The following MARCHF10 variants were observed in gnomAD, a reference collection of about 807,000 sequenced individuals.
MARCHF10 encodes membrane associated ring-CH-type finger 10.
Under a neutral mutation model 76.2 loss-of-function variants are expected in MARCHF10, and 64 were observed. The ratio of observed to expected loss-of-function variants is 0.84; its 90% CI spans 0.69 to 1.03. The LOEUF (loss-of-function observed/expected upper bound fraction) is 1.03, where lower values mean the gene tolerates loss of function less well. Ranked by LOEUF, MARCHF10 falls within the 50% of genes least tolerant of loss-of-function variation. The pLI is 0.00. For synonymous variants in MARCHF10, 340 were observed against 357.5 expected, an observed-to-expected ratio of 0.95 and a Z score of 0.55; for missense variants, 875 against 958.0, an observed-to-expected ratio of 0.91 and a Z score of 1.14.
chr17:62,714,077 G>A (rs949104605), intron 8 of MARCHF10, among the ~76,000 whole-genome samples: 3 of 152,228 alleles, frequency 2.0e-5, no homozygotes, highest in African/African-American at 7.2e-5. Context: ...AGGTGACTGC[G>A]TGTGTCTGAG....
intron 3 of MARCHF10, among the ~76,000 whole-genome samples, chr17:62,777,796 C>G (rs141029589): frequency 6.6e-6 from 1 of 151,422 alleles, no homozygotes; most frequent in East Asian, 2.0e-4. Context: ...TCTGGGCACA[C>G]TGCCTATGGG....
chr17:62,710,117 T>C (rs2089834208), intron 9 of MARCHF10, among the ~76,000 whole-genome samples: 1 of 152,218 alleles, frequency 6.6e-6, no homozygotes. Context: ...TGGGTTGTAC[T>C]GTTTGTCGTT....
At chr17:62,743,693 T>C (rs1378791540) in intron 5 of MARCHF10, among the ~76,000 whole-genome samples, 1 of 152,156 alleles carries the variant, frequency 6.6e-6, no homozygotes, top group African/African-American at 2.4e-5. Flanking sequence ...TCATTGGTCA[T>C]GACATAATGG....
intron 3 of MARCHF10, among the ~76,000 whole-genome samples, chr17:62,787,653 ATC>A (rs1278334719): frequency 6.6e-6 from 1 of 152,174 alleles, no homozygotes; most frequent in Admixed American, 6.5e-5. Flanking sequence ...CTAGAATGGA[ATC>A]TCTACCACGC....
intron 9 of MARCHF10, among the ~76,000 whole-genome samples, chr17:62,710,977 G>A (rs976843917): frequency 3.3e-5 from 5 of 152,010 alleles, no homozygotes; most frequent in African/African-American, 1.2e-4. Context: ...AGGCTCATTC[G>A]GTTATATGAC....
chr17:62,701,359 C>A lies in MARCHF10; in HGVS notation c.*344G>T. ...ACTGAATGAATACATGGCTCGAGTC[C>A]ATTCAGGGTGGAGTGAGGCCTGGCA... On this transcript the variant is annotated 3_prime_UTR_variant, in exon 11 of 11. Transcript: ENST00000311269. 2 of 353,614 alleles carry A rather than the reference C, an allele frequency of 5.7e-6. No homozygotes were observed. The highest frequency in any genetic ancestry group is 5.1e-5 in the East Asian group (1 of 19,526). 21.9% of individuals were successfully genotyped at this position (353,614 alleles called of 1,614,324 possible). A position where few individuals can be genotyped will look rare whatever the true frequency, so the allele number is the denominator to read the frequency against.
rs745737736 is a variant in MARCHF10 at position 62,711,711 on chromosome 17, G to T, written c.2215-367C>A. Among the ~76,000 whole-genome samples, 5 of 152,204 alleles carry T rather than the reference G, an allele frequency of 3.3e-5. No homozygotes were observed. Among genetic ancestry groups the T allele is most frequent in the African/African-American group, 4.8e-5 (2 of 41,458 alleles). ...CTGCTGGGAACCGATCACCTGGTGT[G>T]GGGGAGAGAGCTTCATCGGTAAACA... is the stretch of plus-strand genomic sequence containing the variant. On this transcript the variant is annotated intron_variant, in intron 8 of 10. Transcript: ENST00000311269. The surrounding 1 kb of genome is among the most constrained non-coding windows in gnomAD (Gnocchi z 4.4).
chr17:62,727,409 C>T (rs567708026), intron 6 of MARCHF10, among the ~76,000 whole-genome samples: 2 of 152,236 alleles, frequency 1.3e-5, no homozygotes, highest in Admixed American at 1.3e-4. Flanking sequence ...TGGCTCACAC[C>T]TGTAATCCTA....
rs1490346615 is a variant in MARCHF10 at position 62,722,535 on chromosome 17, C to T, written c.2167G>A (p.Gly723Ser). 1.2e-6 allele frequency: 2 copies of T among 1,613,734 alleles called. No homozygotes were observed. The highest frequency in any genetic ancestry group is 3.3e-5 in the Admixed American group (2 of 59,982). Residue 723 changes from glycine (G) to serine (S), a missense_variant, in exon 8 of 11, where the codon GGT (glycine) becomes AGT (serine). By Grantham distance (56) the Gly-to-Ser change is moderately conservative (BLOSUM62 0). Transcript: ENST00000311269. The part of the protein sequence containing the change: ...MCKQGLLVDL[G>S]DFNMIEFYQK... ...TAGAACTCAATCATGTTAAAGTCAC[C>T]CAGGTCAACCAGCAGGCCTTGCTTA...
At chr17:62,748,465 G>C (rs1363345824) in intron 4 of MARCHF10, among the ~76,000 whole-genome samples, 1 of 152,138 alleles carries the variant, frequency 6.6e-6, no homozygotes, top group Non-Finnish European at 1.5e-5. Flanking sequence ...AGCCAGGCAT[G>C]GTGGCTCATG....
chr17:62,724,404 T>C (rs2090651289), intron 7 of MARCHF10, among the ~76,000 whole-genome samples: 1 of 152,102 alleles, frequency 6.6e-6, no homozygotes, highest in African/African-American at 2.4e-5. Context: ...CTAATATGGT[T>C]CTAGACAATC....
intron 3 of MARCHF10, among the ~76,000 whole-genome samples, chr17:62,761,788 T>C (rs975352510): frequency 2.0e-5 from 3 of 152,136 alleles, no homozygotes; most frequent in Non-Finnish European, 4.4e-5. Flanking sequence ...TGCGGGCACA[T>C]TTTAAGTATG....
intron 9 of MARCHF10, among the ~76,000 whole-genome samples, chr17:62,707,240 C>T (rs946031878): frequency 6.6e-6 from 1 of 152,232 alleles, no homozygotes; most frequent in Non-Finnish European, 1.5e-5. Flanking sequence ...GCCTCCAGAG[C>T]CGCTCACAAA....
At chr17:62,707,452 C>A in intron 9 of MARCHF10, 1 of 152,492 alleles carries the variant, frequency 6.6e-6, no homozygotes. Context: ...CAACATCATC[C>A]CCACGGTGGA....
At chr17:62,723,343 G>T (rs1018126746) in intron 7 of MARCHF10, among the ~76,000 whole-genome samples, 1 of 151,358 alleles carries the variant, frequency 6.6e-6, no homozygotes, top group Non-Finnish European at 1.5e-5. Context: ...CTTAGTTGCG[G>T]CTTTTGACTA....
rs1479132171 is a variant in MARCHF10, at chr17:62,711,749, G to T, written c.2215-405C>A. 6.6e-6 allele frequency among the ~76,000 whole-genome samples: 1 copy of T among 152,202 alleles called. No individual in the cohort carries two copies. Among genetic ancestry groups the T allele is most frequent in the African/African-American group, 2.4e-5 (1 of 41,452 alleles). On this transcript the variant is annotated intron_variant, in intron 8 of 10. Coordinates refer to ENST00000311269, the MANE Select transcript of MARCHF10 (RefSeq NM_152598.4). This position sits in a 1 kb window ranked among gnomAD's most constrained non-coding sequence, Gnocchi z 4.4. ...TCATCGGTAAACAGCTCCAGTACAA[G>T]CTGGATGTGTCGGGTGCTACAACAG...
chr17:62,707,148 C>G (rs1399169491), intron 9 of MARCHF10, among the ~76,000 whole-genome samples: 1 of 152,192 alleles, frequency 6.6e-6, no homozygotes, highest in Non-Finnish European at 1.5e-5. Context: ...GGTTTCTTTC[C>G]CCTGCAATGT....
chr17:62,732,385 C>A (rs1318813448), intron 6 of MARCHF10, among the ~76,000 whole-genome samples: 1 of 152,136 alleles, frequency 6.6e-6, no homozygotes, highest in Non-Finnish European at 1.5e-5. Context: ...GGAAAGACAA[C>A]AAAAGACCAA....
chr17:62,720,918 A>T (rs1387970671), intron 8 of MARCHF10, among the ~76,000 whole-genome samples: 1 of 124,822 alleles, frequency 8.0e-6, no homozygotes, highest in East Asian at 2.3e-4. Flanking sequence ...CCCAGGCTGG[A>T]GTGCAGTGGT....
Sources: gnomAD v4.1 joint callset for allele counts (sites outside exome capture counted in the v4.1 genomes callset) on GRCh38, gnomAD v4.1.1 for gene constraint, Gnocchi (gnomAD v3.1) non-coding constraint, MANE v1.5 for transcripts, NCBI Gene and HGNC (gene_info 2026-07-23, HGNC 2026-07-21) for gene names.